STK32B: variants seen among roughly 807,000 people sequenced by gnomAD.
STK32B encodes the protein serine/threonine kinase 32B, also known as serine/threonine-protein kinase 32B.
STK32B carries 43 observed loss-of-function variants against 52.6 expected under a neutral mutation model. The ratio of observed to expected loss-of-function variants is 0.82; its 90% CI spans 0.64 to 1.05. STK32B has a LOEUF of 1.05. Ranked by LOEUF, STK32B falls within the 50% of genes least tolerant of loss-of-function variation. The pLI is 0.00. For missense variants in STK32B, 621 were observed against 534.6 expected (o/e 1.16, Z -1.59); for synonymous variants, 238 against 204.3 (o/e 1.17, Z -1.41).
At chr4:5,232,614 G>A (rs1724348967) in intron 3 of STK32B, among the ~76,000 whole-genome samples, 1 of 152,226 alleles carries the variant, frequency 6.6e-6, no homozygotes, top group Admixed American at 6.5e-5. Flanking sequence ...GGCCTAGAAG[G>A]CAGACCCTTC....
chr4:5,330,636 C>T (rs1732174138), intron 3 of STK32B, among the ~76,000 whole-genome samples: 1 of 152,186 alleles, frequency 6.6e-6, no homozygotes, highest in South Asian at 2.1e-4. Context: ...ACTGGGAACT[C>T]AGCTGTGGAT....
At chr4:5,163,248 C>T (rs904309258) in intron 2 of STK32B, among the ~76,000 whole-genome samples, 2 of 152,034 alleles carry the variant, frequency 1.3e-5, no homozygotes, top group African/African-American at 4.8e-5. Context: ...TGTGTGAGCC[C>T]CTGAACAGGA....
chr4:5,281,936 A>T (rs953151185), intron 3 of STK32B, among the ~76,000 whole-genome samples: 6 of 152,162 alleles, frequency 3.9e-5, no homozygotes, highest in Non-Finnish European at 5.9e-5. Context: ...ATATATTTTT[A>T]AAAAATTGAT....
rs144244492 is a variant in STK32B at position 5,115,531 on chromosome 4, A to G, written c.53-24374A>G. On this transcript the variant is annotated intron_variant, in intron 1 of 11. Coordinates refer to ENST00000282908, the MANE Select transcript of STK32B (RefSeq NM_018401.3). The stretch of plus-strand genomic sequence containing the variant: ...AAGTGTGTCTGGGGCAAAGCTGGAA[A>G]TGTGCATCTTAAAAGCCCTCAGCCA... Among the ~76,000 whole-genome samples, 14 of 152,344 alleles carry G rather than the reference A, an allele frequency of 9.2e-5. No individual in the cohort carries two copies. The East Asian group carries it at 2.7e-3, about 29-fold the overall frequency.
intron 6 of STK32B, among the ~76,000 whole-genome samples, chr4:5,429,280 A>G (rs1226886272): frequency 6.6e-6 from 1 of 152,258 alleles, no homozygotes; most frequent in East Asian, 1.9e-4. Flanking sequence ...TAGACCACTT[A>G]TATTTAATAT....
intron 3 of STK32B, among the ~76,000 whole-genome samples, chr4:5,224,002 A>T (rs1268962947): frequency 6.6e-6 from 1 of 152,048 alleles, no homozygotes; most frequent in Non-Finnish European, 1.5e-5. Flanking sequence ...AACTTGTTTG[A>T]TTTCACAGGC....
At chr4:5,317,956 C>A (rs67411013) in intron 3 of STK32B, among the ~76,000 whole-genome samples, 2 of 152,010 alleles carry the variant, frequency 1.3e-5, no homozygotes, top group East Asian at 3.9e-4. Flanking sequence ...TTGTCCCAGG[C>A]CTACCAAGTC....
intron 3 of STK32B, among the ~76,000 whole-genome samples, chr4:5,250,665 A>G (rs1725864775): frequency 6.6e-6 from 1 of 152,150 alleles, no homozygotes; most frequent in African/African-American, 2.4e-5. Flanking sequence ...GACTAAACTA[A>G]TTTACTTTTC....
chr4:5,059,325 A>G (rs942201357), intron 1 of STK32B, among the ~76,000 whole-genome samples: 17 of 151,912 alleles, frequency 1.1e-4, no homozygotes, highest in Admixed American at 2.0e-4. Context: ...TTTACAATTA[A>G]GTATTATATT....
intron 6 of STK32B, chr4:5,436,608 A>G: frequency 2.0e-6 from 2 of 985,418 alleles, no homozygotes; most frequent in Non-Finnish European, 2.4e-6. Context: ...ACTAGAAGGG[A>G]AAACAAGCAT....
rs536653013 is a variant in STK32B at position 5,268,140 on chromosome 4, TAG to T, written c.261-63073_261-63072del. Reference sequence around the variant, plus strand: ...CTCTGAGGTTTGTTGAGCATCATTTTAGAGAGAGGAATGTAAAGAAAGTTTCA... The same window carrying T: ...CTCTGAGGTTTGTTGAGCATCATTTTAGAGAGGAATGTAAAGAAAGTTTCA... On this transcript the variant is annotated intron_variant, in intron 3 of 11. Transcript: ENST00000282908. Among the ~76,000 whole-genome samples the T allele has an allele frequency of 1.0e-3, 152 of 152,314 alleles. 1 individual carries two copies. The highest frequency in any genetic ancestry group is 3.6e-3 in the African/African-American group (148 of 41,558).
intron 8 of STK32B, among the ~76,000 whole-genome samples, chr4:5,458,391 C>G (rs1307551660): frequency 1.3e-5 from 2 of 152,190 alleles, no homozygotes; most frequent in African/African-American, 2.4e-5. Flanking sequence ...TACGATGGCT[C>G]TTCTCCCTTA....
intron 3 of STK32B, among the ~76,000 whole-genome samples, chr4:5,226,304 A>G (rs1173819863): frequency 6.6e-6 from 1 of 152,316 alleles, no homozygotes; most frequent in South Asian, 2.1e-4. Flanking sequence ...TTCAGTATGC[A>G]GTCATTGTAT....
chr4:5,374,517 G>T (rs571892887), intron 4 of STK32B, among the ~76,000 whole-genome samples: 32 of 152,284 alleles, frequency 2.1e-4, no homozygotes, highest in Middle Eastern at 6.8e-3. Context: ...ATAAACAACA[G>T]AAATCTATTT....
intron 6 of STK32B, among the ~76,000 whole-genome samples, chr4:5,428,669 A>C (rs1368353152): frequency 6.6e-6 from 1 of 152,200 alleles, no homozygotes; most frequent in Non-Finnish European, 1.5e-5. Context: ...AAGTTATTTG[A>C]TAACATTGCT....
intron 11 of STK32B, among the ~76,000 whole-genome samples, chr4:5,481,640 T>C (rs1243398723): frequency 2.0e-5 from 3 of 152,212 alleles, no homozygotes; most frequent in Non-Finnish European, 4.4e-5. Flanking sequence ...TTTGGTGTTT[T>C]AGACATGAAG....
intron 1 of STK32B, among the ~76,000 whole-genome samples, chr4:5,089,998 C>G (rs2108782515): frequency 6.6e-6 from 1 of 152,216 alleles, no homozygotes; most frequent in South Asian, 2.1e-4. Flanking sequence ...TGTTTGGTGG[C>G]TGCGTAAATG....
In STK32B at chr4:5,456,886, C is replaced by T. The variant is rs746192191; in HGVS notation, c.746C>T (p.Ser249Phe). 1.3e-6 allele frequency: 2 copies of T among 1,591,752 alleles called. No individual in the cohort carries two copies. The highest frequency in any genetic ancestry group is 1.7e-6 in the Non-Finnish European group (2 of 1,168,058). The change falls in exon 8 of 12, where the codon TCC (serine) becomes TTC (phenylalanine). Residue 249 changes from serine to phenylalanine, a missense_variant. Transcript: ENST00000282908. ...AAGGTGGAGCGTGTCCACTACTCCT[C>T]CACGTGGTGCAAGGGGATGGTGGCC... Reference protein sequence around the residue: ...MFKVERVHYSSTWCKGMVALL... With the variant: ...MFKVERVHYSFTWCKGMVALL...
intron 6 of STK32B, chr4:5,432,140 T>C (rs1365465768): frequency 6.6e-6 from 1 of 152,240 alleles, no homozygotes; most frequent in African/African-American, 2.4e-5. Context: ...TAAGGGCTAG[T>C]ATTATTCCAT....
Sources: allele counts gnomAD v4.1 joint callset (sites outside exome capture counted in the v4.1 genomes callset), GRCh38; gene constraint gnomAD v4.1.1; transcripts MANE v1.5; gene names NCBI Gene and HGNC (gene_info 2026-07-23, HGNC 2026-07-21).